PCDHA4: variants seen among roughly 807,000 people sequenced by gnomAD.
The protein encoded by PCDHA4 is protocadherin alpha 4, also known as protocadherin alpha-4.
A neutral mutation model predicts 61.4 loss-of-function variants in PCDHA4; 49 were observed. The observed-to-expected ratio is 0.80, with a 90% CI of 0.63 to 1.01. The LOEUF is 1.01. Among genes scored for constraint, PCDHA4 ranks in the 50% least tolerant of loss-of-function variants. The pLI is 0.00. For synonymous variants in PCDHA4, 590 were observed against 550.3 expected (o/e 1.07, Z -1.01); for missense variants, 1,254 against 1,235.8 (o/e 1.01, Z -0.22).
intron 1 of PCDHA4, chr5:140,853,946 G>A (rs2042919136): frequency 1.2e-6 from 1 of 805,184 alleles, no homozygotes; most frequent in Non-Finnish European, 1.5e-6. Flanking sequence ...AGGTGGGAGG[G>A]TCCCTTCCTT....
chr5:140,986,000 A>G (rs549071976), intron 3 of PCDHA4, among the ~76,000 whole-genome samples: 1 of 151,922 alleles, frequency 6.6e-6, no homozygotes, highest in Non-Finnish European at 1.5e-5. Flanking sequence ...CAGCCTCCCA[A>G]AGTGCTGGGA....
At chr5:140,897,485 A>G (rs1189975695) in intron 1 of PCDHA4, among the ~76,000 whole-genome samples, 2 of 151,884 alleles carry the variant, frequency 1.3e-5, no homozygotes, top group African/African-American at 4.8e-5. Flanking sequence ...GATGATTTCC[A>G]ATTTCAACCA....
intron 1 of PCDHA4, among the ~76,000 whole-genome samples, chr5:140,897,009 ATAC>A (rs2065839600): frequency 6.6e-6 from 1 of 152,174 alleles, no homozygotes. Flanking sequence ...ATTTTTAAAT[ATAC>A]AACTAAATTA....
chr5:140,887,972 A>C (rs1169769147), intron 1 of PCDHA4, among the ~76,000 whole-genome samples: 1 of 152,114 alleles, frequency 6.6e-6, no homozygotes, highest in Non-Finnish European at 1.5e-5. Context: ...TCTCTTTTAA[A>C]ATTTATTTTA....
chr5:140,993,462 T>TCACACACACACA (rs3836747), intron 3 of PCDHA4, among the ~76,000 whole-genome samples: 55 of 141,044 alleles, frequency 3.9e-4, no homozygotes, highest in Non-Finnish European at 5.3e-4. Context: ...TCTTTCTTTC[T>TCACACACACACA]CACACACACA....
At chr5:140,946,893 A>T (rs1233227457) in intron 1 of PCDHA4, among the ~76,000 whole-genome samples, 1 of 151,482 alleles carries the variant, frequency 6.6e-6, no homozygotes, top group African/African-American at 2.4e-5. Context: ...TTACAATTAG[A>T]TAGGAAGAAT....
chr5:140,897,722 T>G (rs1236534951), intron 1 of PCDHA4, among the ~76,000 whole-genome samples: 10 of 152,162 alleles, frequency 6.6e-5, no homozygotes, highest in Admixed American at 6.5e-4. Context: ...GATGGCTGGG[T>G]CAAATAGTAT....
chr5:141,003,343 GCT>G (rs1554259027), intron 3 of PCDHA4, among the ~76,000 whole-genome samples: 1 of 152,198 alleles, frequency 6.6e-6, no homozygotes, highest in Non-Finnish European at 1.5e-5. Context: ...TTGTTTGTTT[GCT>G]CTGTCACCCA....
In PCDHA4 at chr5:140,876,716, G is replaced by T. The variant is rs374218090; in HGVS notation, c.2385+67144G>T. The T allele has an allele frequency of 9.3e-6, 15 of 1,614,132 alleles. No individual in the cohort carries two copies. The African/African-American group carries it at 1.2e-4, about 13-fold the overall frequency. ...TTGGTGCTGGACAGCGCCCTGGACC[G>T]CGAGAGCGTGTCGGCCTATGAGCTG... On this transcript the variant is annotated intron_variant, in intron 1 of 3. Coordinates refer to ENST00000530339, the MANE Select transcript of PCDHA4 (RefSeq NM_018907.4).
chr5:140,895,786 A>G (rs2065159984), intron 1 of PCDHA4, among the ~76,000 whole-genome samples: 2 of 152,080 alleles, frequency 1.3e-5, no homozygotes, highest in Non-Finnish European at 2.9e-5. Context: ...GTATTCAATG[A>G]CGTATATGTA....
At chr5:140,824,616 T>TC (rs1340347040) in intron 1 of PCDHA4, 1 of 126,878 alleles carries the variant, frequency 7.9e-6, no homozygotes, top group Non-Finnish European at 1.6e-5. Flanking sequence ...TAAAGTTTTT[T>TC]TTTTTTTTTT....
chr5:140,849,539 A>G lies in PCDHA4; in HGVS notation c.2385+39967A>G, dbSNP rs2150439995. ...TTGTGGATGTAAATGACAATGCTCC[A>G]CAGTTGACTATCAAAACGCTCTCGG... On this transcript the variant is annotated intron_variant, in intron 1 of 3. Coordinates refer to ENST00000530339, the MANE Select transcript of PCDHA4 (RefSeq NM_018907.4). 1.9e-6 allele frequency: 3 copies of G among 1,598,028 alleles called. 1 individual carries two copies. The highest frequency in any genetic ancestry group is 1.7e-6 in the Non-Finnish European group (2 of 1,167,768).
chr5:140,965,121 T>G (rs1454584682), intron 1 of PCDHA4, among the ~76,000 whole-genome samples: 6 of 152,178 alleles, frequency 3.9e-5, no homozygotes, highest in African/African-American at 1.4e-4. Flanking sequence ...TAGAGGAAGA[T>G]CTACAGATGA....
At chr5:140,889,160 A>T (rs1582978614) in intron 1 of PCDHA4, among the ~76,000 whole-genome samples, 1 of 151,778 alleles carries the variant, frequency 6.6e-6, no homozygotes, top group Middle Eastern at 3.4e-3. Context: ...TTCTTTGTTA[A>T]GTATTCAAGT....
intron 1 of PCDHA4, chr5:140,869,203 T>C: frequency 6.2e-7 from 1 of 1,614,000 alleles, no homozygotes; most frequent in Non-Finnish European, 8.5e-7. Flanking sequence ...GCTCCACTAC[T>C]CCGTCTCGGA....
chr5:140,909,856 C>T (rs575107041), intron 1 of PCDHA4, among the ~76,000 whole-genome samples: 2 of 152,286 alleles, frequency 1.3e-5, no homozygotes, highest in South Asian at 2.1e-4. Context: ...TTTTCGGTCC[C>T]CTGGAGTCAA....
At chr5:140,837,699 G>A (rs1405347707) in intron 1 of PCDHA4, among the ~76,000 whole-genome samples, 3 of 146,052 alleles carry the variant, frequency 2.1e-5, no homozygotes, top group Non-Finnish European at 4.5e-5. Flanking sequence ...TTCAAGACAC[G>A]CTCTCACTCC....
intron 1 of PCDHA4, chr5:140,877,121 C>T (rs782727100): frequency 6.2e-7 from 1 of 1,613,694 alleles, no homozygotes; most frequent in Non-Finnish European, 8.5e-7. Context: ...AGCAACGTGA[C>T]GCTGCAGGTG....
chr5:140,807,519 A>T lies in PCDHA4; in HGVS notation c.332A>T (p.Asp111Val), dbSNP rs1763955362. 2 of 1,614,094 alleles carry T rather than the reference A, an allele frequency of 1.2e-6. No homozygotes were observed. The highest frequency in any genetic ancestry group is 2.7e-5 in the African/African-American group (2 of 75,028). ...AGCATCCACCTGGAGGTGATCGTAG[A>T]CAGGCCGCTGCAGGTTTTCCATGTG... ...ECSIHLEVIV[D>V]RPLQVFHVDV... Residue 111 changes from aspartate to valine, a missense_variant, in exon 1 of 4, where the codon GAC becomes GTC. Coordinates refer to ENST00000530339, the MANE Select transcript of PCDHA4 (RefSeq NM_018907.4).
Sources: allele counts gnomAD v4.1 joint callset (sites outside exome capture counted in the v4.1 genomes callset), GRCh38; gene constraint gnomAD v4.1.1; transcripts MANE v1.5; gene names NCBI Gene and HGNC (gene_info 2026-07-23, HGNC 2026-07-21).